SLC10A7: variants seen among roughly 807,000 people sequenced by gnomAD.
The protein encoded by SLC10A7 is solute carrier family 10 member 7, also known as sodium/bile acid cotransporter 7.
In SLC10A7, 29 loss-of-function variants were observed where a neutral mutation model predicts 43.2. The ratio of observed to expected loss-of-function variants is 0.67; its 90% CI spans 0.50 to 0.92. SLC10A7 has a LOEUF of 0.92. Among genes scored for constraint, SLC10A7 ranks in the 40% least tolerant of loss-of-function variants. The pLI is 0.00. For synonymous variants in SLC10A7, 152 were observed against 144.8 expected, an observed-to-expected ratio of 1.05 and a Z score of -0.35; for missense variants, 295 against 403.2, an observed-to-expected ratio of 0.73 and a Z score of 2.30.
At chr4:146,257,194 T>C (rs970616261) in intron 11 of SLC10A7, among the ~76,000 whole-genome samples, 4 of 152,092 alleles carry the variant, frequency 2.6e-5, no homozygotes, top group African/African-American at 9.7e-5. Context: ...TAAGCATAAA[T>C]AGAAATAGAA....
Position 146,256,596 on chromosome 4 carries a change from A to T in SLC10A7, c.994-76T>A. On this transcript the variant is annotated intron_variant, in intron 11 of 11. Transcript: ENST00000335472. ...TGAAAGCATCAATTAACACCAGATA[A>T]TTTATGCTATTAGAAGGAAGAAGAG... 7 of 1,494,322 alleles carry T rather than the reference A, an allele frequency of 4.7e-6. No individual in the cohort carries two copies. The East Asian group carries it at 1.6e-4, about 34-fold the overall frequency. The allele number at this position is 1,494,322 out of a possible 1,614,324, so 92.6% of individuals were successfully genotyped here. A position where few individuals can be genotyped will look rare whatever the true frequency, so the allele number is the denominator to read the frequency against.
intron 4 of SLC10A7, among the ~76,000 whole-genome samples, chr4:146,490,713 G>A (rs1467364599): frequency 6.6e-6 from 1 of 152,096 alleles, no homozygotes; most frequent in Non-Finnish European, 1.5e-5. Context: ...AACTAAAATG[G>A]ACTTGCATGA....
chr4:146,422,442 GA>G (rs1303157744), intron 5 of SLC10A7, among the ~76,000 whole-genome samples: 1 of 152,020 alleles, frequency 6.6e-6, no homozygotes, highest in East Asian at 1.9e-4. Flanking sequence ...TTATTTAGAA[GA>G]AAAACTCTTT....
intron 5 of SLC10A7, among the ~76,000 whole-genome samples, chr4:146,375,111 C>T (rs1205976840): frequency 6.6e-6 from 1 of 152,126 alleles, no homozygotes; most frequent in Non-Finnish European, 1.5e-5. Context: ...GAGGCTGAGG[C>T]AGGAGAGTCA....
At chr4:146,441,853 A>G in intron 5 of SLC10A7, 2 of 985,060 alleles carry the variant, frequency 2.0e-6, no homozygotes. Context: ...ACTATGTAAC[A>G]ACATGTTTAA....
chr4:146,476,847 GTGT>G (rs906115766), intron 4 of SLC10A7, among the ~76,000 whole-genome samples: 6 of 152,128 alleles, frequency 3.9e-5, no homozygotes, highest in African/African-American at 1.2e-4. Context: ...ATAGCAAATG[GTGT>G]TGTTCACAGT....
intron 1 of SLC10A7, among the ~76,000 whole-genome samples, chr4:146,519,154 TATATA>T (rs539124919): frequency 9.9e-5 from 13 of 130,844 alleles, no homozygotes; most frequent in African/African-American, 2.3e-4. Flanking sequence ...TATAACATAA[TATATA>T]ATATATGATA....
intron 5 of SLC10A7, among the ~76,000 whole-genome samples, chr4:146,365,117 TTA>T (rs1736305385): frequency 6.6e-6 from 1 of 152,164 alleles, no homozygotes; most frequent in African/African-American, 2.4e-5. Context: ...CTGCTGATTA[TTA>T]TATGTTATAT....
At chr4:146,387,749 A>G (rs970901335) in intron 5 of SLC10A7, among the ~76,000 whole-genome samples, 1 of 152,232 alleles carries the variant, frequency 6.6e-6, no homozygotes, top group Non-Finnish European at 1.5e-5. Context: ...ATACAAAATC[A>G]AGTACAAAAA....
chr4:146,324,837 A>G (rs1362260229), intron 6 of SLC10A7, among the ~76,000 whole-genome samples: 1 of 152,202 alleles, frequency 6.6e-6, no homozygotes, highest in African/African-American at 2.4e-5. Flanking sequence ...GTCCATGTCA[A>G]TGAAGTTTGT....
At chr4:146,483,436 T>C (rs1734654687) in intron 4 of SLC10A7, among the ~76,000 whole-genome samples, 1 of 90,600 alleles carries the variant, frequency 1.1e-5, no homozygotes, top group South Asian at 5.9e-4. Context: ...AACCTCATAG[T>C]AACCACACAC....
chr4:146,373,473 CAA>C (rs3054691), intron 5 of SLC10A7, among the ~76,000 whole-genome samples: 3 of 128,396 alleles, frequency 2.3e-5, no homozygotes, highest in Non-Finnish European at 3.2e-5. Context: ...GACCCTGTCT[CAA>C]AAAAAAAAAA....
intron 4 of SLC10A7, among the ~76,000 whole-genome samples, chr4:146,503,106 G>T (rs1736570089): frequency 6.6e-6 from 1 of 152,148 alleles, no homozygotes; most frequent in Non-Finnish European, 1.5e-5. Context: ...AGCATAAAGT[G>T]GATGAAAATG....
At chr4:146,393,794 A>G (rs906155156) in intron 5 of SLC10A7, among the ~76,000 whole-genome samples, 1 of 152,132 alleles carries the variant, frequency 6.6e-6, no homozygotes, top group Non-Finnish European at 1.5e-5. Context: ...TAGTAAATAT[A>G]ATCTGAATAT....
At chr4:146,285,422 G>A (rs1042795304) in intron 9 of SLC10A7, among the ~76,000 whole-genome samples, 1 of 152,158 alleles carries the variant, frequency 6.6e-6, no homozygotes, top group Non-Finnish European at 1.5e-5. Flanking sequence ...GCTCAAGAGT[G>A]CAGGCTTTTG....
intron 5 of SLC10A7, among the ~76,000 whole-genome samples, chr4:146,374,611 T>TATATATAC (rs1201844350): frequency 1.6e-5 from 2 of 128,450 alleles, no homozygotes; most frequent in African/African-American, 6.5e-5. Context: ...CATATATATA[T>TATATATAC]ATACACATAC....
intron 4 of SLC10A7, among the ~76,000 whole-genome samples, chr4:146,456,144 G>A (rs1327411545): frequency 6.6e-6 from 1 of 151,530 alleles, no homozygotes; most frequent in Non-Finnish European, 1.5e-5. Context: ...ATTAAATACA[G>A]AACAAGCACA....
At chr4:146,270,069 G>T (rs1297200729) in intron 10 of SLC10A7, among the ~76,000 whole-genome samples, 1 of 152,106 alleles carries the variant, frequency 6.6e-6, no homozygotes, top group African/African-American at 2.4e-5. Context: ...TTGATTTGGG[G>T]ATTAAAAACC....
intron 10 of SLC10A7, among the ~76,000 whole-genome samples, chr4:146,275,375 C>G (rs945550753): frequency 2.6e-5 from 4 of 152,152 alleles, no homozygotes; most frequent in African/African-American, 9.7e-5. Flanking sequence ...CTTTTCATAG[C>G]CAGTGGACCA....
Sources: allele counts gnomAD v4.1 joint callset (sites outside exome capture counted in the v4.1 genomes callset), GRCh38; gene constraint gnomAD v4.1.1; transcripts MANE v1.5; gene names NCBI Gene and HGNC (gene_info 2026-07-23, HGNC 2026-07-21).